DMGDH: variants seen among roughly 807,000 people sequenced by gnomAD.
DMGDH encodes dimethylglycine dehydrogenase.
A neutral mutation model predicts 95.2 loss-of-function variants in DMGDH; 76 were observed. The observed-to-expected ratio is 0.80, with a 90% CI of 0.66 to 0.97. The LOEUF is 0.97. DMGDH is among the 50% of genes least tolerant of loss of function. The pLI is 0.00. For synonymous variants in DMGDH, 345 were observed against 377.6 expected (o/e 0.91, Z 1.00); for missense variants, 987 against 1,055.0 (o/e 0.94, Z 0.89).
At chr5:79,056,680 C>T (rs1437679822) in intron 2 of DMGDH, among the ~76,000 whole-genome samples, 1 of 151,882 alleles carries the variant, frequency 6.6e-6, no homozygotes, top group East Asian at 1.9e-4. Flanking sequence ...ATGGAGAAAC[C>T]CCTTCTCTAC....
chr5:79,047,549 G>A (rs957431788), intron 5 of DMGDH, among the ~76,000 whole-genome samples: 3 of 152,190 alleles, frequency 2.0e-5, no homozygotes, highest in Non-Finnish European at 4.4e-5. Context: ...AAAGAAAAAC[G>A]TTCAACACCA....
At chr5:79,064,507 T>C (rs1443110783) in intron 1 of DMGDH, among the ~76,000 whole-genome samples, 1 of 152,204 alleles carries the variant, frequency 6.6e-6, no homozygotes, top group African/African-American at 2.4e-5. Flanking sequence ...TACTGTAGAC[T>C]TTATCAACAC....
At chr5:79,027,452 G>A (rs991069616) in intron 12 of DMGDH, among the ~76,000 whole-genome samples, 78 of 152,128 alleles carry the variant, frequency 5.1e-4, no homozygotes, top group Admixed American at 5.1e-3. Context: ...CAAGGTGGAG[G>A]GCTCATGGTA....
Position 79,033,269 on chromosome 5 carries a change from CTT to C in DMGDH, c.1331_1332del (p.Lys444SerfsTer15). The C allele has an allele frequency of 6.2e-7, 1 of 1,614,156 alleles. No individual in the cohort carries two copies. Among genetic ancestry groups the C allele is most frequent in the South Asian group, 1.1e-5 (1 of 91,082 alleles). On this transcript the variant is annotated frameshift_variant, in exon 8 of 16. Transcript: ENST00000255189. LOFTEE classifies it high-confidence loss of function. ...KWTTTQYTEA[K>X]ARESYGFNNI... ...TTGTTGAATCCATATGATTCTCTTG[CTT>C]TGGCCTCAGTGTACTGGGTTGTTGT... is the stretch of plus-strand genomic sequence containing the variant.
At position 79,051,400 on chromosome 5, in the gene DMGDH, G is replaced by A. The variant is rs1168546804; in HGVS notation, c.632C>T (p.Ala211Val). The A allele has an allele frequency of 6.2e-7, 1 of 1,613,952 alleles. No individual in the cohort carries two copies. Among genetic ancestry groups the A allele is most frequent in the African/African-American group, 1.3e-5 (1 of 74,880 alleles). Residue 211 changes from alanine to valine, a missense_variant, in exon 5 of 16, where the codon GCC (alanine) becomes GTC (valine). By Grantham distance (64) the Ala-to-Val change is moderately conservative. Coordinates refer to ENST00000255189, the MANE Select transcript of DMGDH (RefSeq NM_013391.3). ...TACTGGTGCAGGATATTTTAAAAGG[G>A]CACCACATTTCCTAGCCCCAGCAGC... is the stretch of plus-strand genomic sequence containing the variant. Reference protein sequence around the residue: ...ALAAGARKCGALLKYPAPVTS... With the variant: ...ALAAGARKCGVLLKYPAPVTS...
At chr5:79,019,102 G>C (rs747313052) in intron 14 of DMGDH, among the ~76,000 whole-genome samples, 1 of 152,118 alleles carries the variant, frequency 6.6e-6, no homozygotes, top group African/African-American at 2.4e-5. Context: ...CTGTGTTGGA[G>C]GCATTCCATA....
intron 15 of DMGDH, among the ~76,000 whole-genome samples, chr5:79,002,632 CAA>C (rs934622267): frequency 1.3e-5 from 2 of 152,054 alleles, no homozygotes; most frequent in Non-Finnish European, 2.9e-5. Context: ...CACACACACA[CAA>C]AAAAGTCAAT....
At chr5:79,049,134 C>T (rs1487264650) in intron 5 of DMGDH, among the ~76,000 whole-genome samples, 1 of 152,164 alleles carries the variant, frequency 6.6e-6, no homozygotes, top group Non-Finnish European at 1.5e-5. Flanking sequence ...TGCCCTCCTG[C>T]ACCCCATCAC....
At chr5:79,058,328 T>C (rs529685518) in intron 2 of DMGDH, among the ~76,000 whole-genome samples, 22 of 152,248 alleles carry the variant, frequency 1.4e-4, no homozygotes, top group Non-Finnish European at 2.8e-4. Context: ...TTGAAAGTGA[T>C]ATTGCACATG....
chr5:79,051,516 T>C (rs771254295), intron 4 of DMGDH, 25 bp from the exon 5 acceptor site: 2 of 1,577,262 alleles, frequency 1.3e-6, no homozygotes, highest in South Asian at 1.1e-5. Context: ...CCAGAGTCAA[T>C]ACTCAAATAT....
rs1307723047 is a variant in DMGDH, at chr5:79,014,594, AAAAAG to A, written c.2251-9192_2251-9188del. On this transcript the variant is annotated intron_variant, in intron 14 of 15. Coordinates refer to ENST00000255189, the MANE Select transcript of DMGDH (RefSeq NM_013391.3). Reference sequence around the variant, plus strand: ...AAGATCTTCCTTACTGGGATCTTAAAAAAAGAAAAAGGATTTCATGTATAGTTCCT... The same window carrying A: ...AAGATCTTCCTTACTGGGATCTTAAAAAAAAGGATTTCATGTATAGTTCCT... Among the ~76,000 whole-genome samples, 8 of 152,334 alleles carry A rather than the reference AAAAAG, an allele frequency of 5.3e-5. No homozygotes were observed. The South Asian group carries it at 1.5e-3, about 28-fold the overall frequency.
chr5:79,000,019 C>G (rs999681655), intron 15 of DMGDH: 2 of 290,612 alleles, frequency 6.9e-6, no homozygotes, highest in Non-Finnish European at 1.3e-5. Context: ...AATATTTACG[C>G]TAACAAATAT....
chr5:79,033,793 A>C (rs1754261060), intron 7 of DMGDH, among the ~76,000 whole-genome samples: 1 of 152,128 alleles, frequency 6.6e-6, no homozygotes, highest in South Asian at 2.1e-4. Flanking sequence ...TTATCTCGGC[A>C]TGGTGGCACG....
chr5:79,051,440 G>A lies in DMGDH; in HGVS notation c.592C>T (p.Leu198=). ...PGDGHIDPYS[L]TMALAAGARK... is the part of the protein sequence containing the mutation. ...GCCCCAGCAGCCAGTGCCATAGTTA[G>A]AGAATAAGGATCAATGTGACCATCT... is the stretch of plus-strand genomic sequence containing the variant. Residue 198 remains leucine, a synonymous_variant, in exon 5 of 16, where the codon CTA becomes TTA. Transcript: ENST00000255189. 1 of 1,614,166 alleles carries A rather than the reference G, an allele frequency of 6.2e-7. No homozygotes were observed. Among genetic ancestry groups the A allele is most frequent in the Non-Finnish European group, 8.5e-7 (1 of 1,180,034 alleles).
At chr5:79,005,522 A>AAAATAC in intron 14 of DMGDH, 115 bp from the exon 15 acceptor site, 9 of 1,395,258 alleles carry the variant, frequency 6.5e-6, no homozygotes, top group Non-Finnish European at 8.9e-6. Flanking sequence ...ACATTAAATA[A>AAAATAC]AAATACAGAT....
rs375952760 is a variant in DMGDH, at chr5:79,065,401, G to A, written c.102-1614C>T. ...TAATTTTTGTATTTTTAGTGGAGAC[G>A]GGGTTTCACCATGTTGGCCAGGCTG... On this transcript the variant is annotated intron_variant, in intron 1 of 15. Transcript: ENST00000255189. Among the ~76,000 whole-genome samples, 21 of 151,390 alleles carry A rather than the reference G, an allele frequency of 1.4e-4. 1 individual carries two copies. The highest frequency in any genetic ancestry group is 6.6e-4 in the Admixed American group (10 of 15,202).
At chr5:79,032,075 G>A (rs1166716988) in intron 9 of DMGDH, among the ~76,000 whole-genome samples, 3 of 152,174 alleles carry the variant, frequency 2.0e-5, no homozygotes, top group Non-Finnish European at 4.4e-5. Context: ...TTGATCTGTG[G>A]ATTCTCTTGA....
At chr5:79,033,649 T>C (rs1340287091) in intron 7 of DMGDH, among the ~76,000 whole-genome samples, 2 of 152,146 alleles carry the variant, frequency 1.3e-5, no homozygotes, top group African/African-American at 4.8e-5. Flanking sequence ...ACCTGCGAAA[T>C]AGCTCCTTAT....
chr5:79,061,220 A>AACAC (rs34931005), intron 2 of DMGDH, among the ~76,000 whole-genome samples: 8,638 of 141,348 alleles, frequency 0.061, 275 homozygotes, highest in Middle Eastern at 0.076. Flanking sequence ...CTCTGTCTCA[A>AACAC]ACACACACAC....
Sources: gnomAD v4.1 joint callset for allele counts (sites outside exome capture counted in the v4.1 genomes callset) on GRCh38, gnomAD v4.1.1 for gene constraint, MANE v1.5 for transcripts, NCBI Gene and HGNC (gene_info 2026-07-23, HGNC 2026-07-21) for gene names.